VSTM2A: variants seen among roughly 807,000 people sequenced by gnomAD.
VSTM2A encodes V-set and transmembrane domain containing 2A.
VSTM2A carries 13 observed loss-of-function variants against 27.3 expected under a neutral mutation model. The observed-to-expected ratio is 0.48, with a 90% CI of 0.31 to 0.76. VSTM2A has a LOEUF of 0.76. VSTM2A is among the 30% of genes least tolerant of loss of function. The pLI, the probability that VSTM2A is intolerant of heterozygous loss-of-function variation, is 0.05. For synonymous variants in VSTM2A, 142 were observed against 125.7 expected (o/e 1.13, Z -0.87); for missense variants, 280 against 310.0 (o/e 0.90, Z 0.73).
chr7:54,547,286 A>G, intron 3 of VSTM2A: 1 of 369,226 alleles, frequency 2.7e-6, no homozygotes, highest in Non-Finnish European at 4.8e-6. Flanking sequence ...GTAAGAGTAA[A>G]TACATTGCTA....
intron 4 of VSTM2A, among the ~76,000 whole-genome samples, chr7:54,556,412 G>T (rs1401053989): frequency 6.6e-6 from 1 of 152,216 alleles, no homozygotes; most frequent in Non-Finnish European, 1.5e-5. Flanking sequence ...CTTAACACAG[G>T]ATGTCAAAGT....
At chr7:54,546,834 T>TGTCCCCTGGTCGCTCCCCC in intron 2 of VSTM2A, 113 bp from the exon 3 acceptor site, 1 of 1,441,010 alleles carries the variant, frequency 6.9e-7, no homozygotes, top group Non-Finnish European at 9.3e-7. Flanking sequence ...GTCGCTCCCC[T>TGTCCCCTGGTCGCTCCCCC]GTCCCCAGGT....
rs1280975209 is a variant in VSTM2A at position 54,549,946 on chromosome 7, T to C, written c.410T>C (p.Leu137Pro). ...GTGACTGATGCCAACTACGGGGAGC[T>C]TCAGGAACACAAGGCCCAGGCCTAT... ...CRVTDANYGE[L>P]QEHKAQAYLK... is the part of the protein sequence containing the mutation. Residue 137 changes from leucine (L) to proline (P), a missense_variant, in exon 4 of 5, where the codon CTT becomes CCT. Physicochemically the swap from Leu to Pro is moderately conservative, Grantham distance 98 (BLOSUM62 -3). Coordinates refer to ENST00000402613, the MANE Select transcript of VSTM2A (RefSeq NM_001301009.2). 2 of 1,613,580 alleles carry C rather than the reference T, an allele frequency of 1.2e-6. No homozygotes were observed. Among genetic ancestry groups the C allele is most frequent in the Admixed American group, 3.3e-5 (2 of 59,958 alleles).
intron 4 of VSTM2A, among the ~76,000 whole-genome samples, chr7:54,565,988 T>C (rs999168560): frequency 5.3e-5 from 8 of 152,220 alleles, no homozygotes; most frequent in African/African-American, 1.7e-4. Context: ...GTTTCTGCCC[T>C]GCTTAGACTT....
In VSTM2A at chr7:54,542,695, T is replaced by C; in HGVS notation, c.-36T>C. 1 of 1,599,484 alleles carries C rather than the reference T, an allele frequency of 6.3e-7. No homozygotes were observed. The highest frequency in any genetic ancestry group is 8.5e-7 in the Non-Finnish European group (1 of 1,170,502). On this transcript the variant is annotated 5_prime_UTR_variant, in exon 1 of 5. Transcript: ENST00000402613. ...CCTTTCTTTCAGGGCTTTTCGGCTG[T>C]TGGCTACACTGATGTGACCCCCCTC...
At position 54,569,430 on chromosome 7, in the gene VSTM2A, A is replaced by G. The variant is rs1788824646; in HGVS notation, c.*211A>G. Reference sequence around the variant, plus strand: ...CACTGACTGCTCAAGGGTTGGCCTGAATGTCATCAGGATAGGGAATATTTA... The same window carrying G: ...CACTGACTGCTCAAGGGTTGGCCTGGATGTCATCAGGATAGGGAATATTTA... On this transcript the variant is annotated 3_prime_UTR_variant, in exon 5 of 5. Transcript: ENST00000402613. 2 of 804,612 alleles carry G rather than the reference A, an allele frequency of 2.5e-6. No homozygotes were observed. Among genetic ancestry groups the G allele is most frequent in the South Asian group, 1.9e-5 (1 of 52,718 alleles). The allele number at this position is 804,612 out of a possible 1,614,324, so 49.8% of individuals were successfully genotyped here.
At position 54,546,930 on chromosome 7, in the gene VSTM2A, T is replaced by C. The variant is rs528456943; in HGVS notation, c.247-17T>C. ...GCGGGCCTGGCGCGGGACTGAGCGT[T>C]CGCTCCTTGCCCGCAGGTGGAGCTC... On this transcript the variant is annotated splice_polypyrimidine_tract_variant and intron_variant, in intron 2 of 4. Coordinates refer to ENST00000402613, the MANE Select transcript of VSTM2A (RefSeq NM_001301009.2). 3 of 1,599,134 alleles carry C rather than the reference T, an allele frequency of 1.9e-6. No homozygotes were observed. The East Asian group carries it at 6.9e-5, about 37-fold the overall frequency.
chr7:54,559,229 T>C lies in VSTM2A; in HGVS notation c.634+9059T>C, dbSNP rs191505454. On this transcript the variant is annotated intron_variant, in intron 4 of 4. Coordinates refer to ENST00000402613, the MANE Select transcript of VSTM2A (RefSeq NM_001301009.2). The stretch of plus-strand genomic sequence containing the variant: ...CAATAGTAGCAACAAGTAAAAGATA[T>C]AAAATATATAATCTTTTTTTTACAA... 2.6e-5 allele frequency: 4 copies of C among 152,166 alleles called. No homozygotes were observed. The East Asian group carries it at 7.7e-4, about 29-fold the overall frequency. The allele number at this position is 152,166 out of a possible 1,614,324, so 9.4% of individuals were successfully genotyped here.
In VSTM2A at chr7:54,549,990, A is replaced by G. The variant is rs200340847; in HGVS notation, c.454A>G (p.Ser152Gly). 8 of 1,613,318 alleles carry G rather than the reference A, an allele frequency of 5.0e-6. No homozygotes were observed. The Admixed American group carries it at 1.2e-4, about 24-fold the overall frequency. Residue 152 changes from serine to glycine, a missense_variant, in exon 4 of 5, where the codon AGC becomes GGC. Transcript: ENST00000402613. ...AQAYLKVNAN[S>G]HARRMQAFEA... ...GGCCTATCTGAAAGTCAATGCCAACAGCCATGCCCGCAGAATGCAGGCCTT... is the reference window on the plus strand; with the variant it reads ...GGCCTATCTGAAAGTCAATGCCAACGGCCATGCCCGCAGAATGCAGGCCTT...
intron 4 of VSTM2A, among the ~76,000 whole-genome samples, chr7:54,554,390 T>C (rs1337924938): frequency 6.6e-6 from 1 of 152,190 alleles, no homozygotes; most frequent in Non-Finnish European, 1.5e-5. Flanking sequence ...TAAATTTTCT[T>C]AGGAAATTGT....
At chr7:54,553,252 C>A (rs1429326327) in intron 4 of VSTM2A, among the ~76,000 whole-genome samples, 2 of 152,146 alleles carry the variant, frequency 1.3e-5, no homozygotes, top group Non-Finnish European at 2.9e-5. Flanking sequence ...CTTTGTGAAT[C>A]CTTCACTTGT....
chr7:54,568,909 G>A, intron 4 of VSTM2A: 1 of 1,318,020 alleles, frequency 7.6e-7, no homozygotes, highest in Non-Finnish European at 1.0e-6. Context: ...AGCCAAGCTG[G>A]CGAGCTAATT....
Position 54,566,851 on chromosome 7 carries a change from CTT to C in VSTM2A, c.635-2278_635-2277del, listed in dbSNP as rs539927529. Among the ~76,000 whole-genome samples the C allele has an allele frequency of 6.6e-5, 10 of 152,298 alleles. No individual in the cohort carries two copies. The South Asian group carries it at 1.9e-3, about 28-fold the overall frequency. On this transcript the variant is annotated intron_variant, in intron 4 of 4. Transcript: ENST00000402613. ...TCTCACAAAAGAAAAGCATTTCTGTCTTTAAAATGAGCACAGAGTGGCTGAGG... is the reference window on the plus strand; with the variant it reads ...TCTCACAAAAGAAAAGCATTTCTGTCTAAAATGAGCACAGAGTGGCTGAGG...
chr7:54,554,065 C>T (rs1788276292), intron 4 of VSTM2A: 1 of 1,551,986 alleles, frequency 6.4e-7, no homozygotes, highest in African/African-American at 1.4e-5. Flanking sequence ...TGCGTGCTGG[C>T]TCCTCCAGGT....
At chr7:54,546,836 T>C (rs1788009609) in intron 2 of VSTM2A, 111 bp from the exon 3 acceptor site, 1 of 1,457,752 alleles carries the variant, frequency 6.9e-7, no homozygotes, top group East Asian at 2.5e-5. Context: ...CGCTCCCCTG[T>C]CCCCAGGTCA....
chr7:54,567,515 G>C (rs539527893), intron 4 of VSTM2A, among the ~76,000 whole-genome samples: 1 of 152,318 alleles, frequency 6.6e-6, no homozygotes, highest in South Asian at 2.1e-4. Context: ...CATGTCCTAT[G>C]AAGGGTTGAT....
At chr7:54,565,229 C>G (rs866913014) in intron 4 of VSTM2A, among the ~76,000 whole-genome samples, 8 of 152,292 alleles carry the variant, frequency 5.3e-5, no homozygotes, top group South Asian at 2.1e-4. Flanking sequence ...TGACTCCCTG[C>G]TAGGATGAGT....
At chr7:54,558,796 G>T (rs1472648950) in intron 4 of VSTM2A, 1 of 152,042 alleles carries the variant, frequency 6.6e-6, no homozygotes, top group African/African-American at 2.4e-5. Context: ...ATATCCAAAT[G>T]AAGGCCAGTT....
At chr7:54,567,117 G>A (rs1269906822) in intron 4 of VSTM2A, among the ~76,000 whole-genome samples, 1 of 152,106 alleles carries the variant, frequency 6.6e-6, no homozygotes, top group Non-Finnish European at 1.5e-5. Flanking sequence ...AAACAGAAAG[G>A]AGAGAAACAC....
Sources: allele counts gnomAD v4.1 joint callset (sites outside exome capture counted in the v4.1 genomes callset), GRCh38; gene constraint gnomAD v4.1.1; transcripts MANE v1.5; gene names NCBI Gene and HGNC (gene_info 2026-07-23, HGNC 2026-07-21).